BLTP3B: variants seen among roughly 807,000 people sequenced by gnomAD.
BLTP3B encodes the protein bridge-like lipid transfer protein family member 3B.
chr12:100,098,739 TAA>T, the BLTP3B span, among the ~76,000 whole-genome samples: 1 of 144,294 alleles, frequency 6.9e-6, no homozygotes, highest in African/African-American at 2.5e-5. Flanking sequence ...CCATCTCTAC[TAA>T]AAAAAAAAAC....
At chr12:100,097,361 T>G in the BLTP3B span, 152 of 1,607,874 alleles carry the variant, frequency 9.5e-5, no homozygotes, top group African/African-American at 1.5e-3. Context: ...TCTTGTTGAC[T>G]CACCCTTCTT....
At chr12:100,122,876 C>T in the BLTP3B span, among the ~76,000 whole-genome samples, 2 of 152,174 alleles carry the variant, frequency 1.3e-5, no homozygotes, top group African/African-American at 4.8e-5. Context: ...CTAGAGAAGG[C>T]CAAACTTTCT....
chr12:100,097,439 G>A, the BLTP3B span: 2 of 1,613,506 alleles, frequency 1.2e-6, no homozygotes, highest in South Asian at 2.2e-5. Context: ...ATTTCAAGAT[G>A]TGAACTTTGG....
At chr12:100,106,812 T>C in the BLTP3B span, among the ~76,000 whole-genome samples, 11 of 152,312 alleles carry the variant, frequency 7.2e-5, no homozygotes, top group African/African-American at 2.6e-4. Context: ...TTCCAAAGGA[T>C]AGAACAAAAA....
chr12:100,059,757 T>C, the BLTP3B span: 2 of 1,322,926 alleles, frequency 1.5e-6, no homozygotes, highest in Non-Finnish European at 2.1e-6. Context: ...AAACATAACA[T>C]GAATTAATAA....
the BLTP3B span, among the ~76,000 whole-genome samples, chr12:100,056,259 G>T: frequency 6.6e-6 from 1 of 152,068 alleles, no homozygotes; most frequent in Non-Finnish European, 1.5e-5. Flanking sequence ...CCAGAGGACT[G>T]CAAAATGCAA....
the BLTP3B span, among the ~76,000 whole-genome samples, chr12:100,067,529 C>T: frequency 6.6e-6 from 1 of 152,104 alleles, no homozygotes; most frequent in East Asian, 1.9e-4. Flanking sequence ...CACAGAAATA[C>T]AAAAGGTCAT....
chr12:100,064,228 C>T, the BLTP3B span, among the ~76,000 whole-genome samples: 1 of 152,018 alleles, frequency 6.6e-6, no homozygotes, highest in South Asian at 2.1e-4. Context: ...CCCAATCCGA[C>T]AAAGACAAAG....
At chr12:100,112,949 T>C in the BLTP3B span, among the ~76,000 whole-genome samples, 1 of 151,148 alleles carries the variant, frequency 6.6e-6, no homozygotes, top group South Asian at 2.1e-4. Context: ...GGCAAGTGGA[T>C]TGCTTGAGCC....
chr12:100,098,919 C>CAGATAGATAGATAGATAGATAGATAGAT, the BLTP3B span, among the ~76,000 whole-genome samples: 285 of 139,828 alleles, frequency 2.0e-3, no homozygotes, highest in African/African-American at 6.9e-3. Context: ...AAAATATAGA[C>CAGATAGATAGATAGATAGATAGATAGAT]AGATAGATAG....
chr12:100,091,771 C>T, the BLTP3B span, among the ~76,000 whole-genome samples: 58 of 151,000 alleles, frequency 3.8e-4, no homozygotes, highest in Non-Finnish European at 4.4e-5. Context: ...TCCCAAAGTG[C>T]GGGGATTACA....
chr12:100,130,108 C>T, the BLTP3B span, among the ~76,000 whole-genome samples: 1 of 152,168 alleles, frequency 6.6e-6, no homozygotes, highest in Non-Finnish European at 1.5e-5. Flanking sequence ...CAGGCATGCG[C>T]CACTACACCC....
the BLTP3B span, among the ~76,000 whole-genome samples, chr12:100,079,806 G>A: frequency 3.9e-5 from 6 of 152,196 alleles, no homozygotes; most frequent in African/African-American, 1.2e-4. Context: ...TGGTTTCATG[G>A]GCCAGGCCCA....
the BLTP3B span, among the ~76,000 whole-genome samples, chr12:100,075,144 T>C: frequency 6.6e-6 from 1 of 151,978 alleles, no homozygotes; most frequent in East Asian, 1.9e-4. Flanking sequence ...CCTGAGTAGC[T>C]GGGATTACAG....
chr12:100,098,273 A>G, the BLTP3B span: 3 of 1,438,092 alleles, frequency 2.1e-6, no homozygotes, highest in Non-Finnish European at 2.8e-6. Flanking sequence ...AAAGGCAACC[A>G]TGAGATGTGA....
At chr12:100,111,607 G>GT in the BLTP3B span, among the ~76,000 whole-genome samples, 109 of 151,084 alleles carry the variant, frequency 7.2e-4, no homozygotes, top group Non-Finnish European at 1.1e-3. Context: ...TTTTTTGTTT[G>GT]TTTGTTTTGT....
the BLTP3B span, chr12:100,058,858 G>A: frequency 1.2e-6 from 2 of 1,613,946 alleles, no homozygotes; most frequent in South Asian, 2.2e-5. Context: ...TGAACTAGGA[G>A]ATGAATATCT....
chr12:100,069,616 T>G, the BLTP3B span, among the ~76,000 whole-genome samples: 136 of 152,160 alleles, frequency 8.9e-4, no homozygotes, highest in African/African-American at 3.1e-3. Context: ...AACAGAAAAC[T>G]AAACATCGTA....
chr12:100,104,202 T>TC, the BLTP3B span, among the ~76,000 whole-genome samples: 1 of 150,158 alleles, frequency 6.7e-6, no homozygotes, highest in African/African-American at 2.5e-5. Flanking sequence ...AGTTCTTTTT[T>TC]TCTTTTTTTT....
Sources: allele counts gnomAD v4.1 joint callset (sites outside exome capture counted in the v4.1 genomes callset), GRCh38; gene constraint gnomAD v4.1.1; transcripts MANE v1.5; gene names NCBI Gene and HGNC (gene_info 2026-07-23, HGNC 2026-07-21).